The following SLC41A2 variants were observed in gnomAD, a reference collection of about 807,000 sequenced individuals.
SLC41A2 encodes solute carrier family 41 member 2.
In SLC41A2, 32 loss-of-function variants were observed where a neutral mutation model predicts 58.3. That is an observed-to-expected ratio of 0.55 (90% CI 0.41 to 0.74). The LOEUF (loss-of-function observed/expected upper bound fraction) is 0.74, where lower values mean the gene tolerates loss of function less well. SLC41A2 is among the 30% of genes least tolerant of loss of function. SLC41A2 has a pLI of 0.00. For missense variants in SLC41A2, 514 were observed against 680.6 expected, an observed-to-expected ratio of 0.76 and a Z score of 2.72; for synonymous variants, 190 against 235.0, an observed-to-expected ratio of 0.81 and a Z score of 1.75.
intron 1 of SLC41A2, among the ~76,000 whole-genome samples, chr12:104,938,982 C>T (rs2047392725): frequency 6.6e-6 from 1 of 152,042 alleles, no homozygotes; most frequent in Non-Finnish European, 1.5e-5. Flanking sequence ...CAATCTTTTC[C>T]TAAAAAATAA....
At chr12:104,945,434 A>G (rs2047678986) in intron 1 of SLC41A2, among the ~76,000 whole-genome samples, 1 of 151,950 alleles carries the variant, frequency 6.6e-6, no homozygotes, top group Non-Finnish European at 1.5e-5. Context: ...CAGGAGGTGG[A>G]GCTTGCAGTG....
At chr12:104,944,487 A>G (rs898780392) in intron 1 of SLC41A2, among the ~76,000 whole-genome samples, 11 of 152,244 alleles carry the variant, frequency 7.2e-5, no homozygotes, top group Admixed American at 2.6e-4. Context: ...TCACAGGTAC[A>G]CAGTATCATG....
chr12:104,818,877 A>AAAATAAAT (rs3039338), intron 10 of SLC41A2, among the ~76,000 whole-genome samples: 281 of 149,268 alleles, frequency 1.9e-3, no homozygotes, highest in Non-Finnish European at 2.4e-3. Context: ...ACTCCATCTC[A>AAAATAAAT]AAATAAATAA....
chr12:104,909,804 A>T (rs771819691), intron 2 of SLC41A2, 42 bp from the exon 3 acceptor site: 1 of 1,335,308 alleles, frequency 7.5e-7, no homozygotes, highest in South Asian at 1.3e-5. Flanking sequence ...GGCACTCTTT[A>T]AAAAATACTT....
At chr12:104,915,560 GCTCT>G (rs755970910) in intron 2 of SLC41A2, among the ~76,000 whole-genome samples, 28 of 152,020 alleles carry the variant, frequency 1.8e-4, no homozygotes, top group Non-Finnish European at 2.9e-4. Flanking sequence ...TCATGATTTG[GCTCT>G]CTGTTTGTCT....
intron 10 of SLC41A2, among the ~76,000 whole-genome samples, chr12:104,825,866 C>T (rs1489528536): frequency 6.6e-6 from 1 of 152,194 alleles, no homozygotes; most frequent in Non-Finnish European, 1.5e-5. Context: ...GTCCCTGGGA[C>T]CTCAAAGATT....
chr12:104,890,767 G>C (rs1008065360), intron 4 of SLC41A2, among the ~76,000 whole-genome samples: 2 of 152,192 alleles, frequency 1.3e-5, no homozygotes, highest in Non-Finnish European at 2.9e-5. Context: ...TGGGACTGGA[G>C]ACTTTGCTTT....
chr12:104,899,802 T>G (rs1367060935), intron 3 of SLC41A2, among the ~76,000 whole-genome samples: 1 of 152,270 alleles, frequency 6.6e-6, no homozygotes, highest in Non-Finnish European at 1.5e-5. Context: ...CAGAAGACAC[T>G]CAGTCAACAA....
At chr12:104,806,817 G>C (rs2040926553) in intron 10 of SLC41A2, among the ~76,000 whole-genome samples, 1 of 151,996 alleles carries the variant, frequency 6.6e-6, no homozygotes, top group Non-Finnish European at 1.5e-5. Flanking sequence ...GATGGCCAGT[G>C]ATGATGAGCA....
chr12:104,812,630 C>T (rs1015771860), intron 10 of SLC41A2, among the ~76,000 whole-genome samples: 6 of 151,706 alleles, frequency 4.0e-5, no homozygotes, highest in East Asian at 1.9e-4. Flanking sequence ...GGGCTTGAAC[C>T]GAGAGAAAAA....
chr12:104,864,836 AAT>A (rs1225113116), intron 7 of SLC41A2, among the ~76,000 whole-genome samples: 6 of 152,108 alleles, frequency 3.9e-5, no homozygotes, highest in African/African-American at 1.2e-4. Flanking sequence ...GCTATTATGC[AAT>A]AGTTTCTCTT....
At chr12:104,934,439 T>G (rs1185993857) in intron 1 of SLC41A2, among the ~76,000 whole-genome samples, 1 of 152,150 alleles carries the variant, frequency 6.6e-6, no homozygotes, top group East Asian at 1.9e-4. Flanking sequence ...AACAAAATGC[T>G]TAGATGAAAA....
chr12:104,834,181 T>C (rs1565825221), intron 10 of SLC41A2: 4 of 985,366 alleles, frequency 4.1e-6, no homozygotes, highest in Non-Finnish European at 4.8e-6. Flanking sequence ...AGCATACCTA[T>C]CTAAAGAATT....
At chr12:104,837,023 C>T (rs904967629) in intron 10 of SLC41A2, among the ~76,000 whole-genome samples, 9 of 152,188 alleles carry the variant, frequency 5.9e-5, no homozygotes, top group East Asian at 1.9e-4. Context: ...GCTAGGGTCA[C>T]TATACTTCCT....
chr12:104,892,194 G>A (rs1404998855), intron 4 of SLC41A2, among the ~76,000 whole-genome samples: 2 of 151,586 alleles, frequency 1.3e-5, no homozygotes, highest in Non-Finnish European at 2.9e-5. Flanking sequence ...CAGCTGAGGT[G>A]GGAGAATTGC....
chr12:104,855,487 C>A (rs549293802), intron 8 of SLC41A2, among the ~76,000 whole-genome samples: 74 of 152,276 alleles, frequency 4.9e-4, no homozygotes, highest in African/African-American at 1.6e-3. Context: ...TACCCTTGAA[C>A]GTTATATAAA....
intron 10 of SLC41A2, among the ~76,000 whole-genome samples, chr12:104,818,815 TG>T (rs2041517504): frequency 6.6e-6 from 1 of 152,054 alleles, no homozygotes; most frequent in Non-Finnish European, 1.5e-5. Flanking sequence ...GGGCAGAGGT[TG>T]CAGTAAGCCA....
intron 2 of SLC41A2, among the ~76,000 whole-genome samples, chr12:104,910,397 T>C (rs759274855): frequency 6.6e-6 from 1 of 152,192 alleles, no homozygotes; most frequent in Non-Finnish European, 1.5e-5. Context: ...CTTGGCTTCA[T>C]GATCCTGGAT....
At chr12:104,825,905 G>C (rs1361848987) in intron 10 of SLC41A2, among the ~76,000 whole-genome samples, 1 of 152,188 alleles carries the variant, frequency 6.6e-6, no homozygotes, top group African/African-American at 2.4e-5. Context: ...GGGAGGCATA[G>C]GTGACAGCGT....
Sources: allele counts gnomAD v4.1 joint callset (sites outside exome capture counted in the v4.1 genomes callset), GRCh38; gene constraint gnomAD v4.1.1; transcripts MANE v1.5; gene names NCBI Gene and HGNC (gene_info 2026-07-23, HGNC 2026-07-21).